NSMAF: variants seen among roughly 807,000 people sequenced by gnomAD.
The protein encoded by NSMAF is neutral sphingomyelinase activation associated factor, also known as protein FAN.
A neutral mutation model predicts 134.9 loss-of-function variants in NSMAF; 90 were observed. The ratio of observed to expected loss-of-function variants is 0.67; its 90% CI spans 0.56 to 0.79. The LOEUF is 0.79. NSMAF is among the 30% of genes least tolerant of loss of function. NSMAF has a pLI of 0.00. For synonymous variants in NSMAF, 358 were observed against 389.6 expected, an observed-to-expected ratio of 0.92 and a Z score of 0.96; for missense variants, 1,010 against 1,119.0, an observed-to-expected ratio of 0.90 and a Z score of 1.39.
At chr8:58,610,832 A>AT (rs1806513176) in intron 9 of NSMAF, among the ~76,000 whole-genome samples, 1 of 152,218 alleles carries the variant, frequency 6.6e-6, no homozygotes, top group African/African-American at 2.4e-5. Context: ...AAGCACAAAG[A>AT]TATCTCTAGA....
chr8:58,608,498 T>G (rs1304936136), intron 10 of NSMAF, among the ~76,000 whole-genome samples: 1 of 152,170 alleles, frequency 6.6e-6, no homozygotes, highest in Admixed American at 6.5e-5. Flanking sequence ...GAGGTCAGTC[T>G]GTCCAACAGT....
chr8:58,586,578 T>G lies in NSMAF; in HGVS notation c.2326A>C (p.Thr776Pro). 5 of 1,613,962 alleles carry G rather than the reference T, an allele frequency of 3.1e-6. No individual in the cohort carries two copies. The highest frequency in any genetic ancestry group is 4.2e-6 in the Non-Finnish European group (5 of 1,179,930). Reference sequence around the variant, plus strand: ...TCTTTGGTGCCGGAAACTAACAGTGTGCTTGCAGCATTTAAACTGATTGTA... The same window carrying G: ...TCTTTGGTGCCGGAAACTAACAGTGGGCTTGCAGCATTTAAACTGATTGTA... ...VDTISLNAAS[T>P]LLVSGTKEGT... The change falls in exon 28 of 31, where the codon ACA becomes CCA. Residue 776 changes from threonine to proline, a missense_variant. Transcript: ENST00000038176.
chr8:58,656,164 G>A (rs1388200423), intron 1 of NSMAF, among the ~76,000 whole-genome samples: 2 of 151,638 alleles, frequency 1.3e-5, no homozygotes, highest in Admixed American at 6.6e-5. Flanking sequence ...GACCACAGGC[G>A]CACGCCACCA....
chr8:58,597,709 T>A, intron 20 of NSMAF, 151 bp downstream of exon 20: 1 of 891,008 alleles, frequency 1.1e-6, no homozygotes, highest in Admixed American at 2.3e-5. Context: ...ACCTTCAGAA[T>A]ATTTTCTGAT....
chr8:58,603,346 C>A lies in NSMAF; in HGVS notation c.909G>T (p.Leu303=). 4.3e-6 allele frequency: 7 copies of A among 1,614,096 alleles called. No individual in the cohort carries two copies. The highest frequency in any genetic ancestry group is 5.9e-6 in the Non-Finnish European group (7 of 1,180,038). The change falls in exon 13 of 31, where the codon CTG becomes CTT. Residue 303 remains leucine, a synonymous_variant. Transcript: ENST00000038176. ...TGGAAAGGTGTCCACGCTGCCACTGCAGCATGTAGCTCTCAGCAGTGTGCT... is the reference window on the plus strand; with the variant it reads ...TGGAAAGGTGTCCACGCTGCCACTGAAGCATGTAGCTCTCAGCAGTGTGCT... ...VAEHTAESYM[L]QWQRGHLSNY... is the part of the protein sequence containing the mutation.
chr8:58,595,463 T>C (rs981318697), intron 22 of NSMAF, 97 bp downstream of exon 22: 8 of 791,360 alleles, frequency 1.0e-5, no homozygotes, highest in Non-Finnish European at 1.7e-5. Flanking sequence ...AAAGGGAATT[T>C]TCCCTCTGAC....
intron 27 of NSMAF, 129 bp from the exon 28 acceptor site, chr8:58,586,737 G>T: frequency 3.1e-6 from 2 of 653,390 alleles, no homozygotes; most frequent in Non-Finnish European, 5.2e-6. Context: ...TGCCGGTGTT[G>T]CTAATGCAGA....
chr8:58,659,101 C>T lies in NSMAF; in HGVS notation c.59+472G>A, dbSNP rs1807791576. On this transcript the variant is annotated intron_variant, in intron 1 of 30. Transcript: ENST00000038176. ...GTGGTCGCCGGCCTGCTCGGTGCCG[C>T]CCGGCGACCAACTCTGCGGCGCCGG... 4 of 1,130,212 alleles carry T rather than the reference C, an allele frequency of 3.5e-6. No individual in the cohort carries two copies. In the South Asian group the frequency reaches 5.4e-5, roughly 15 times the overall value. 70.0% of individuals were successfully genotyped at this position (1,130,212 alleles called of 1,614,324 possible). A position where few individuals can be genotyped will look rare whatever the true frequency, so the allele number is the denominator to read the frequency against.
intron 6 of NSMAF, among the ~76,000 whole-genome samples, chr8:58,626,492 A>G (rs574500631): frequency 2.6e-5 from 4 of 152,320 alleles, no homozygotes; most frequent in African/African-American, 9.6e-5. Context: ...GAGTTATTTA[A>G]CTTAGAGTAA....
chr8:58,657,879 T>C (rs1807755618), intron 1 of NSMAF, among the ~76,000 whole-genome samples: 1 of 152,216 alleles, frequency 6.6e-6, no homozygotes, highest in African/African-American at 2.4e-5. Flanking sequence ...TGCCAGCCTA[T>C]CACGTTGTTG....
chr8:58,617,953 C>T (rs921981668), intron 9 of NSMAF, among the ~76,000 whole-genome samples: 1 of 152,178 alleles, frequency 6.6e-6, no homozygotes, highest in Non-Finnish European at 1.5e-5. Flanking sequence ...AAATCTGGCA[C>T]ATATACTTCA....
In NSMAF at chr8:58,597,401, A is replaced by G; in HGVS notation, c.1778T>C (p.Met593Thr). 1 of 1,614,126 alleles carries G rather than the reference A, an allele frequency of 6.2e-7. No individual in the cohort carries two copies. The highest frequency in any genetic ancestry group is 8.5e-7 in the Non-Finnish European group (1 of 1,179,960). ...ACAAAATTTACCTGGGGAATCTGCC[A>G]TAGAAGCATTATAACTGGAGGTCTG... ...LSQTSSYNAS[M>T]ADSPGEESFE... The change falls in exon 21 of 31, where the codon ATG becomes ACG. Residue 593 changes from methionine (M) to threonine (T), a missense_variant. Physicochemically the swap from Met to Thr is moderately conservative, Grantham distance 81. Coordinates refer to ENST00000038176, the MANE Select transcript of NSMAF (RefSeq NM_003580.4).
At chr8:58,618,456 G>A (rs1806713830) in intron 9 of NSMAF, among the ~76,000 whole-genome samples, 1 of 151,754 alleles carries the variant, frequency 6.6e-6, no homozygotes, top group Non-Finnish European at 1.5e-5. Context: ...TATGATAATG[G>A]TATCAAGGAA....
chr8:58,583,960 A>G lies in NSMAF; in HGVS notation c.*146T>C, dbSNP rs182629991. 1.3e-3 allele frequency: 896 copies of G among 671,664 alleles called. 1 individual carries two copies. The highest frequency in any genetic ancestry group is 2.2e-3 in the Non-Finnish European group (816 of 379,020). The allele number at this position is 671,664 out of a possible 1,614,324, so 41.6% of individuals were successfully genotyped here. ...ACTAATGGCTTTCAATGAAGTCACC[A>G]TGATTTAGAAAGTTTAAAACCACAA... is the stretch of plus-strand genomic sequence containing the variant. On this transcript the variant is annotated 3_prime_UTR_variant, in exon 31 of 31. Coordinates refer to ENST00000038176, the MANE Select transcript of NSMAF (RefSeq NM_003580.4).
chr8:58,645,767 G>A (rs997831026), intron 1 of NSMAF, among the ~76,000 whole-genome samples: 6 of 152,132 alleles, frequency 3.9e-5, no homozygotes, highest in South Asian at 2.1e-4. Context: ...TAGGCCAGGC[G>A]CAGCGGCTCA....
intron 1 of NSMAF, among the ~76,000 whole-genome samples, chr8:58,651,870 C>T (rs920888152): frequency 6.6e-6 from 1 of 152,210 alleles, no homozygotes; most frequent in Non-Finnish European, 1.5e-5. Context: ...TTCTAACAAG[C>T]TCCAGGCACA....
intron 26 of NSMAF, chr8:58,588,748 C>T: frequency 2.2e-6 from 3 of 1,388,578 alleles, no homozygotes; most frequent in Non-Finnish European, 3.0e-6. Flanking sequence ...ACCATTGTTC[C>T]TTCTTTTCTT....
At position 58,594,232 on chromosome 8, in the gene NSMAF, C is replaced by T. The variant is rs773815850; in HGVS notation, c.1951G>A (p.Asp651Asn). 6.2e-7 allele frequency: 1 copy of T among 1,613,862 alleles called. No individual in the cohort carries two copies. The highest frequency in any genetic ancestry group is 8.5e-7 in the Non-Finnish European group (1 of 1,179,866). ...CCGCCTTTCGGGGAGGAACACTGAC[C>T]TTGGGATGTTGTGAATACTGAAGAT... is the stretch of plus-strand genomic sequence containing the variant. ...NGSSVFTTSQDSTLKMFSKES... is the reference protein window; with the variant it reads ...NGSSVFTTSQNSTLKMFSKES... Residue 651 changes from aspartate (D) to asparagine (N), a missense_variant and splice_region_variant, in exon 23 of 31, where the codon GAT becomes AAT. Asp to Asn is a conservative substitution (Grantham distance 23). Coordinates refer to ENST00000038176, the MANE Select transcript of NSMAF (RefSeq NM_003580.4).
chr8:58,603,394 A>G lies in NSMAF; in HGVS notation c.869-8T>C. The G allele has an allele frequency of 6.2e-7, 1 of 1,612,938 alleles. No homozygotes were observed. Among genetic ancestry groups the G allele is most frequent in the South Asian group, 1.1e-5 (1 of 91,036 alleles). On this transcript the variant is annotated splice_region_variant and splice_polypyrimidine_tract_variant and intron_variant, in intron 12 of 30. Transcript: ENST00000038176. The stretch of plus-strand genomic sequence containing the variant: ...GCTCCGCCACATGGTGCTCTGGGGG[A>G]AGAGGACCCACGAGGTCTGCCACTT...
Sources: allele counts gnomAD v4.1 joint callset (sites outside exome capture counted in the v4.1 genomes callset), GRCh38; gene constraint gnomAD v4.1.1; transcripts MANE v1.5; gene names NCBI Gene and HGNC (gene_info 2026-07-23, HGNC 2026-07-21).